TAS1R1: variants seen among roughly 807,000 people sequenced by gnomAD.
The protein encoded by TAS1R1 is taste receptor type 1 member 1.
TAS1R1 carries 31 observed loss-of-function variants against 45.8 expected under a neutral mutation model. That is an observed-to-expected ratio of 0.68 (90% CI 0.51 to 0.91). The LOEUF is 0.91. TAS1R1 is among the 40% of genes least tolerant of loss of function. The pLI, the probability that TAS1R1 is intolerant of heterozygous loss-of-function variation, is 0.00. For missense variants in TAS1R1, 1,051 were observed against 1,063.9 expected, an observed-to-expected ratio of 0.99 and a Z score of 0.17; for synonymous variants, 437 against 448.4, an observed-to-expected ratio of 0.97 and a Z score of 0.32.
intron 1 of TAS1R1, among the ~76,000 whole-genome samples, chr1:6,557,008 CAAAA>C (rs35187481): frequency 6.3e-5 from 4 of 63,438 alleles, no homozygotes; most frequent in African/African-American, 5.4e-5. Flanking sequence ...GGCTCCATCT[CAAAA>C]AAAAAAAAAA....
At chr1:6,571,771 G>C (rs1272892008) in intron 2 of TAS1R1, among the ~76,000 whole-genome samples, 1 of 152,132 alleles carries the variant, frequency 6.6e-6, no homozygotes, top group Non-Finnish European at 1.5e-5. Context: ...AGTGAGCTGA[G>C]ATTGCACCAC....
Position 6,578,259 on chromosome 1 carries a change from C to T in TAS1R1, c.1595-394C>T, listed in dbSNP as rs1570139506. On this transcript the variant is annotated intron_variant, in intron 5 of 5. Coordinates refer to ENST00000333172, the MANE Select transcript of TAS1R1 (RefSeq NM_138697.4). ...AGAGGGTCAGGACTCAGAGAAACCACAGAGCAGCAGCTCAGGAAAGTGGTT... is the reference window on the plus strand; with the variant it reads ...AGAGGGTCAGGACTCAGAGAAACCATAGAGCAGCAGCTCAGGAAAGTGGTT... Among the ~76,000 whole-genome samples, 3 of 152,168 alleles carry T rather than the reference C, an allele frequency of 2.0e-5. No individual in the cohort carries two copies. The East Asian group carries it at 5.8e-4, about 29-fold the overall frequency.
intron 1 of TAS1R1, among the ~76,000 whole-genome samples, chr1:6,557,105 G>A (rs1447677902): frequency 6.6e-6 from 1 of 151,396 alleles, no homozygotes; most frequent in Non-Finnish European, 1.5e-5. Flanking sequence ...CTTGGCTGCA[G>A]GATGTCCTAC....
In TAS1R1 at chr1:6,579,653, G is replaced by C. The variant is rs1640333371; in HGVS notation, c.*69G>C. 6.5e-7 allele frequency: 1 copy of C among 1,526,736 alleles called. No homozygotes were observed. Among genetic ancestry groups the C allele is most frequent in the Non-Finnish European group, 8.7e-7 (1 of 1,144,272 alleles). 94.6% of individuals were successfully genotyped at this position (1,526,736 alleles called of 1,614,324 possible). On this transcript the variant is annotated 3_prime_UTR_variant, in exon 6 of 6. Coordinates refer to ENST00000333172, the MANE Select transcript of TAS1R1 (RefSeq NM_138697.4). ...GGGTCGAAGGTCGAGCAGGCCGGGG[G>C]TGTCCGGGAGGTCTTTGGGCATCGC...
At position 6,574,466 on chromosome 1, in the gene TAS1R1, C is replaced by A. The variant is rs1024518938; in HGVS notation, c.499-165C>A. On this transcript the variant is annotated intron_variant, in intron 2 of 5. Transcript: ENST00000333172. The surrounding 1 kb of genome is among the most constrained non-coding windows in gnomAD (Gnocchi z 4.3). ...CCCAGGCAGATTCCCACCCCTCCCC[C>A]AGAACCTGCCCCAGTGGAGCCTTCG... Among the ~76,000 whole-genome samples, 3 of 152,216 alleles carry A rather than the reference C, an allele frequency of 2.0e-5. No homozygotes were observed. Among genetic ancestry groups the A allele is most frequent in the Non-Finnish European group, 4.4e-5 (3 of 68,036 alleles).
chr1:6,577,462 G>A (rs1640210903), intron 5 of TAS1R1, among the ~76,000 whole-genome samples: 1 of 151,600 alleles, frequency 6.6e-6, no homozygotes, highest in Admixed American at 6.6e-5. Context: ...TTGAACCCAG[G>A]AGGCGGAGGT....
rs948890165 is a variant in TAS1R1 at position 6,574,132 on chromosome 1, C to T, written c.499-499C>T. Among the ~76,000 whole-genome samples the T allele has an allele frequency of 6.6e-6, 1 of 152,140 alleles. No individual in the cohort carries two copies. Among genetic ancestry groups the T allele is most frequent in the Non-Finnish European group, 1.5e-5 (1 of 68,026 alleles). ...TAAGTAGCGTGCAACCCAGATCCCT[C>T]GCATGTGCAGTTCACAGTAGGGTTC... On this transcript the variant is annotated intron_variant, in intron 2 of 5. Transcript: ENST00000333172. The surrounding 1 kb of genome is among the most constrained non-coding windows in gnomAD (Gnocchi z 4.3).
At chr1:6,563,752 G>C (rs934995426) in intron 1 of TAS1R1, among the ~76,000 whole-genome samples, 1 of 151,998 alleles carries the variant, frequency 6.6e-6, no homozygotes, top group East Asian at 1.9e-4. Context: ...GATTAGGAGC[G>C]GTAGATAGGC....
chr1:6,557,123 G>A (rs1417882131), intron 1 of TAS1R1, among the ~76,000 whole-genome samples: 3 of 151,110 alleles, frequency 2.0e-5, no homozygotes, highest in African/African-American at 7.3e-5. Flanking sequence ...TACCCATGAA[G>A]CACACGAGAT....
At chr1:6,575,520 T>G in intron 3 of TAS1R1, 128 bp downstream of exon 3, 1 of 1,126,308 alleles carries the variant, frequency 8.9e-7, no homozygotes, top group Non-Finnish European at 1.2e-6. Context: ...GTTTTTTGTT[T>G]TGTTTTGTTT....
At chr1:6,568,798 CTCTT>C (rs1639935272) in intron 1 of TAS1R1, among the ~76,000 whole-genome samples, 1 of 152,170 alleles carries the variant, frequency 6.6e-6, no homozygotes, top group South Asian at 2.1e-4. Context: ...GCAAGCCACA[CTCTT>C]TCCTTCTCTT....
Position 6,578,640 on chromosome 1 carries a change from C to T in TAS1R1, c.1595-13C>T. The stretch of plus-strand genomic sequence containing the variant: ...ATCTGGCTCTCAGGAACCTTCTTGG[C>T]CTTCCCTTTCAGACCTCTACAGATG... On this transcript the variant is annotated splice_polypyrimidine_tract_variant and intron_variant, in intron 5 of 5. Coordinates refer to ENST00000333172, the MANE Select transcript of TAS1R1 (RefSeq NM_138697.4). 2 of 1,539,644 alleles carry T rather than the reference C, an allele frequency of 1.3e-6. No homozygotes were observed. The highest frequency in any genetic ancestry group is 1.8e-6 in the Non-Finnish European group (2 of 1,141,850).
At chr1:6,558,817 C>A (rs1325820045) in intron 1 of TAS1R1, among the ~76,000 whole-genome samples, 12 of 152,028 alleles carry the variant, frequency 7.9e-5, no homozygotes, top group Non-Finnish European at 1.2e-4. Context: ...CTCCCAGATT[C>A]AGGCGATCCT....
At chr1:6,575,526 T>G in intron 3 of TAS1R1, 134 bp downstream of exon 3, 1 of 1,141,368 alleles carries the variant, frequency 8.8e-7, no homozygotes, top group Non-Finnish European at 1.2e-6. Context: ...TGTTTTGTTT[T>G]GTTTTGTTTT....
rs377676514 is a variant in TAS1R1, at chr1:6,578,697, G to C, written c.1639G>C (p.Glu547Gln). ...QPCGKEEWAP[E>Q]GSQTCFPRTV... The stretch of plus-strand genomic sequence containing the variant: ...TTGTGGGAAAGAAGAGTGGGCACCT[G>C]AGGGAAGCCAGACCTGCTTCCCGCG... Residue 547 changes from glutamate to glutamine, a missense_variant, in exon 6 of 6, where the codon GAG (glutamate) becomes CAG (glutamine). Glu to Gln is a conservative substitution (Grantham distance 29). Transcript: ENST00000333172. The C allele has an allele frequency of 1.2e-6, 2 of 1,603,692 alleles. No individual in the cohort carries two copies. Among genetic ancestry groups the C allele is most frequent in the East Asian group, 2.2e-5 (1 of 44,750 alleles).
chr1:6,571,328 G>A (rs567380715), intron 2 of TAS1R1, 113 bp downstream of exon 2: 26 of 1,174,418 alleles, frequency 2.2e-5, no homozygotes, highest in Non-Finnish European at 3.5e-6. Context: ...GATCTCTTGG[G>A]TGGTCACTGC....
chr1:6,578,998 C>A lies in TAS1R1; in HGVS notation c.1940C>A (p.Ser647Tyr). 1 of 1,614,066 alleles carries A rather than the reference C, an allele frequency of 6.2e-7. No individual in the cohort carries two copies. The highest frequency in any genetic ancestry group is 1.1e-5 in the South Asian group (1 of 91,058). Residue 647 changes from serine to tyrosine, a missense_variant, in exon 6 of 6, where the codon TCC (serine) becomes TAC (tyrosine). Ser to Tyr is a moderately radical substitution (Grantham distance 144). Transcript: ENST00000333172. Reference protein sequence around the residue: ...LFALGFTIFLSCLTVRSFQLI... With the variant: ...LFALGFTIFLYCLTVRSFQLI... ...GCCCTTGGTTTCACCATCTTCCTGT[C>A]CTGCCTGACAGTTCGCTCATTCCAA...
intron 1 of TAS1R1, among the ~76,000 whole-genome samples, chr1:6,566,742 C>A (rs781670842): frequency 2.6e-5 from 4 of 152,192 alleles, no homozygotes; most frequent in Non-Finnish European, 5.9e-5. Flanking sequence ...ACTACAGGTG[C>A]CCGCCACTGC....
Position 6,579,683 on chromosome 1 carries a change from T to C in TAS1R1, c.*99T>C. 1 of 1,479,030 alleles carries C rather than the reference T, an allele frequency of 6.8e-7. No individual in the cohort carries two copies. The allele number at this position is 1,479,030 out of a possible 1,614,324, so 91.6% of individuals were successfully genotyped here. A position where few individuals can be genotyped will look rare whatever the true frequency, so the allele number is the denominator to read the frequency against. On this transcript the variant is annotated 3_prime_UTR_variant, in exon 6 of 6. Transcript: ENST00000333172. ...CGGGAGGTCTTTGGGCATCGCGGTCTGGGGTTGGGACGTGTAAGCGCCTGG... is the reference window on the plus strand; with the variant it reads ...CGGGAGGTCTTTGGGCATCGCGGTCCGGGGTTGGGACGTGTAAGCGCCTGG...
Sources: allele counts gnomAD v4.1 joint callset (sites outside exome capture counted in the v4.1 genomes callset), GRCh38; gene constraint gnomAD v4.1.1; non-coding constraint Gnocchi (gnomAD v3.1); transcripts MANE v1.5; gene names NCBI Gene and HGNC (gene_info 2026-07-23, HGNC 2026-07-21).